Variants in DNAH8 observed in about 807,000 individuals in gnomAD.
DNAH8 encodes the protein dynein axonemal heavy chain 8.
A neutral mutation model predicts 562.1 loss-of-function variants in DNAH8; 382 were observed. That is an observed-to-expected ratio of 0.68 (90% CI 0.63 to 0.74). The LOEUF is 0.74. DNAH8 is among the 30% of genes least tolerant of loss of function. The pLI is 0.00. For synonymous variants in DNAH8, 1,881 were observed against 1,919.4 expected (o/e 0.98, Z 0.52); for missense variants, 5,203 against 5,620.4 (o/e 0.93, Z 2.37).
At chr6:38,851,526 G>T in intron 38 of DNAH8, 46 bp from the exon 39 acceptor site, 2 of 1,146,394 alleles carry the variant, frequency 1.7e-6, no homozygotes, top group South Asian at 1.4e-5. Context: ...TAATAATTTA[G>T]GGGAAAAAAA....
intron 88 of DNAH8, among the ~76,000 whole-genome samples, chr6:39,006,933 A>G (rs1025643829): frequency 2.0e-5 from 3 of 152,176 alleles, no homozygotes; most frequent in Non-Finnish European, 4.4e-5. Context: ...CACCTCAGGT[A>G]TGAGGGCTTC....
At chr6:39,011,730 A>G (rs912633438) in intron 89 of DNAH8, among the ~76,000 whole-genome samples, 2 of 152,250 alleles carry the variant, frequency 1.3e-5, no homozygotes, top group Non-Finnish European at 2.9e-5. Context: ...GTCATAGCTA[A>G]GGCAACAATG....
chr6:38,763,585 G>A (rs1766721270), intron 11 of DNAH8: 1 of 182,372 alleles, frequency 5.5e-6, no homozygotes, highest in Non-Finnish European at 1.1e-5. Context: ...AGACCAAGAC[G>A]GGTGGATCCC....
rs768042230 is a variant in DNAH8, at chr6:38,931,847, A to G, written c.11311A>G (p.Thr3771Ala). The change falls in exon 76 of 93, where the codon ACA becomes GCA. Residue 3771 changes from threonine to alanine, a missense_variant. Thr to Ala is a moderately conservative substitution (Grantham distance 58, BLOSUM62 0). Transcript: ENST00000327475. ...VGDKECDIMD[T>A]FKLYITTKLP... Reference sequence around the variant, plus strand: ...TGATAAGGAATGTGATATCATGGATACATTTAAACTTTACATTACTACGAA... The same window carrying G: ...TGATAAGGAATGTGATATCATGGATGCATTTAAACTTTACATTACTACGAA... The G allele has an allele frequency of 2.5e-6, 4 of 1,600,398 alleles. No homozygotes were observed. The East Asian group carries it at 9.0e-5, about 36-fold the overall frequency.
chr6:38,849,848 G>A (rs1775604376), intron 37 of DNAH8, among the ~76,000 whole-genome samples: 1 of 151,730 alleles, frequency 6.6e-6, no homozygotes, highest in African/African-American at 2.4e-5. Context: ...GGGTACTATT[G>A]AGCTGTAATT....
intron 83 of DNAH8, 70 bp from the exon 84 acceptor site, chr6:38,973,591 A>C: frequency 5.4e-6 from 7 of 1,293,220 alleles, no homozygotes. Context: ...AAAAAAGTGC[A>C]CATTTTGTTT....
intron 28 of DNAH8, among the ~76,000 whole-genome samples, chr6:38,825,652 G>A (rs73731130): frequency 0.011 from 1,674 of 152,196 alleles, 31 homozygotes; most frequent in African/African-American, 0.037. Flanking sequence ...CATAATATAG[G>A]TCATGTTGAC....
At chr6:38,945,000 A>T (rs1389313908) in intron 79 of DNAH8, among the ~76,000 whole-genome samples, 1 of 151,676 alleles carries the variant, frequency 6.6e-6, no homozygotes, top group Non-Finnish European at 1.5e-5. Flanking sequence ...CCCTAACCCT[A>T]ACCCTAACCT....
chr6:38,851,525 A>G, intron 38 of DNAH8, 47 bp from the exon 39 acceptor site: 1 of 1,123,086 alleles, frequency 8.9e-7, no homozygotes, highest in South Asian at 1.4e-5. Context: ...ATAATAATTT[A>G]GGGGAAAAAA....
At chr6:39,000,218 T>C (rs553210985) in intron 88 of DNAH8, among the ~76,000 whole-genome samples, 5 of 152,204 alleles carry the variant, frequency 3.3e-5, no homozygotes, top group African/African-American at 4.8e-5. Flanking sequence ...GGGAAGATGA[T>C]GAATGGCAAA....
chr6:38,825,301 G>A (rs768795224), intron 28 of DNAH8, among the ~76,000 whole-genome samples: 1 of 152,180 alleles, frequency 6.6e-6, no homozygotes, highest in South Asian at 2.1e-4. Flanking sequence ...GAGCGGTGCA[G>A]CCATGTTTCA....
chr6:38,790,544 G>T, intron 20 of DNAH8, 139 bp downstream of exon 20: 3 of 479,036 alleles, frequency 6.3e-6, no homozygotes, highest in Non-Finnish European at 1.1e-5. Flanking sequence ...CATGTTTTGG[G>T]CTGGGCACAG....
chr6:38,812,675 T>C (rs973859518), intron 24 of DNAH8, among the ~76,000 whole-genome samples: 2 of 152,194 alleles, frequency 1.3e-5, no homozygotes, highest in Admixed American at 1.3e-4. Flanking sequence ...AAATTGTATG[T>C]TTAGATGCAG....
chr6:38,789,254 A>G (rs1769468293), intron 18 of DNAH8, among the ~76,000 whole-genome samples: 1 of 152,238 alleles, frequency 6.6e-6, no homozygotes, highest in South Asian at 2.1e-4. Flanking sequence ...ACAGTTTAAG[A>G]TTATTAATTT....
chr6:38,887,354 A>G (rs1251816003), intron 57 of DNAH8, among the ~76,000 whole-genome samples: 3 of 152,248 alleles, frequency 2.0e-5, no homozygotes, highest in Non-Finnish European at 4.4e-5. Context: ...GTAGCACTTC[A>G]ATATGTTAAT....
At chr6:39,028,407 C>T (rs187685696) in intron 92 of DNAH8, among the ~76,000 whole-genome samples, 88 of 152,340 alleles carry the variant, frequency 5.8e-4, no homozygotes, top group Non-Finnish European at 6.9e-4. Context: ...CTTCTCTCTT[C>T]GCCTCTGGTG....
chr6:39,006,259 T>C (rs1299696166), intron 88 of DNAH8, among the ~76,000 whole-genome samples: 2 of 152,262 alleles, frequency 1.3e-5, no homozygotes, highest in Admixed American at 6.5e-5. Flanking sequence ...TGTGGCAATT[T>C]GTTATAGCAG....
intron 75 of DNAH8, among the ~76,000 whole-genome samples, chr6:38,929,897 G>A (rs754551840): frequency 6.6e-5 from 10 of 152,030 alleles, no homozygotes; most frequent in Non-Finnish European, 1.3e-4. Context: ...GCGTATAAAA[G>A]TTTCTGAGGT....
Position 39,026,610 on chromosome 6 carries a change from G to T in DNAH8, c.13779G>T (p.Val4593=). 1 of 1,613,622 alleles carries T rather than the reference G, an allele frequency of 6.2e-7. No individual in the cohort carries two copies. Among genetic ancestry groups the T allele is most frequent in the Non-Finnish European group, 8.5e-7 (1 of 1,179,930 alleles). The change falls in exon 92 of 93, where the codon GTG becomes GTT. Residue 4593 remains valine, a synonymous_variant. Coordinates refer to ENST00000327475, the MANE Select transcript of DNAH8 (RefSeq NM_001206927.2). The part of the protein sequence containing the change: ...RAHKGWALDT[V]TIHNEVLRQT... The stretch of plus-strand genomic sequence containing the variant: ...ACAAAGGCTGGGCACTGGACACTGT[G>T]ACCATCCACAATGAAGTTCTGAGAC...
Sources: allele counts gnomAD v4.1 joint callset (sites outside exome capture counted in the v4.1 genomes callset), GRCh38; gene constraint gnomAD v4.1.1; transcripts MANE v1.5; gene names NCBI Gene and HGNC (gene_info 2026-07-23, HGNC 2026-07-21).